The following OR6N1 variants were observed in gnomAD, a reference collection of about 807,000 sequenced individuals.
OR6N1 encodes the protein olfactory receptor family 6 subfamily N member 1, also known as olfactory receptor 6N1.
For missense variants in OR6N1, 394 were observed against 371.7 expected, an observed-to-expected ratio of 1.06 and a Z score of -0.49; for synonymous variants, 170 against 150.7, an observed-to-expected ratio of 1.13 and a Z score of -0.94.
At chr1:158,769,855 C>A (rs1360566154) in intron 1 of OR6N1, among the ~76,000 whole-genome samples, 2 of 152,084 alleles carry the variant, frequency 1.3e-5, no homozygotes, top group South Asian at 2.1e-4. Context: ...TCCAAAATTT[C>A]TTTGTCTTAG....
At chr1:158,780,470 A>G in the OR6N1 span, among the ~76,000 whole-genome samples, 1 of 152,174 alleles carries the variant, frequency 6.6e-6, no homozygotes, top group East Asian at 1.9e-4. Flanking sequence ...TACAATATAG[A>G]TGCTCCTCGA....
the OR6N1 span, among the ~76,000 whole-genome samples, chr1:158,782,938 TG>T: frequency 2.6e-5 from 4 of 152,188 alleles, no homozygotes; most frequent in Non-Finnish European, 5.9e-5. Context: ...TACAAAGTCT[TG>T]TACATAGTAA....
At chr1:158,805,102 T>TG in the OR6N1 span, among the ~76,000 whole-genome samples, 1 of 152,224 alleles carries the variant, frequency 6.6e-6, no homozygotes, top group Non-Finnish European at 1.5e-5. Flanking sequence ...CAAGGTCACA[T>TG]GCCCTTGTTT....
chr1:158,787,612 A>ATC, the OR6N1 span, among the ~76,000 whole-genome samples: 36 of 89,242 alleles, frequency 4.0e-4, no homozygotes, highest in African/African-American at 6.8e-4. Context: ...CTCTCTATCT[A>ATC]TCTCTCTATC....
chr1:158,792,392 A>T, the OR6N1 span, among the ~76,000 whole-genome samples: 5,581 of 152,230 alleles, frequency 0.037, 355 homozygotes, highest in African/African-American at 0.13. Flanking sequence ...GATCATTTAC[A>T]TTCAATGTTA....
At chr1:158,817,028 T>G in the OR6N1 span, among the ~76,000 whole-genome samples, 1 of 152,168 alleles carries the variant, frequency 6.6e-6, no homozygotes, top group Non-Finnish European at 1.5e-5. Context: ...ATTTTTATAT[T>G]CATTATGTAA....
the OR6N1 span, among the ~76,000 whole-genome samples, chr1:158,839,024 TCATA>T: frequency 2.6e-5 from 4 of 152,348 alleles, no homozygotes; most frequent in African/African-American, 9.6e-5. Flanking sequence ...AACTCATTTA[TCATA>T]TTTAAGAGTG....
chr1:158,768,664 A>G, intron 1 of OR6N1, among the ~76,000 whole-genome samples: 1 of 152,030 alleles, frequency 6.6e-6, no homozygotes, highest in East Asian at 1.9e-4. Flanking sequence ...ATCATTTAAA[A>G]CCTTTGCTGT....
At chr1:158,807,432 ACTC>A in the OR6N1 span, among the ~76,000 whole-genome samples, 2 of 152,086 alleles carry the variant, frequency 1.3e-5, no homozygotes, top group Admixed American at 1.3e-4. Context: ...ATCTGACCAT[ACTC>A]TAGCAGGTAC....
the OR6N1 span, among the ~76,000 whole-genome samples, chr1:158,790,275 T>C: frequency 4.6e-5 from 7 of 152,354 alleles, no homozygotes; most frequent in South Asian, 4.1e-4. Flanking sequence ...TACTGTGATA[T>C]ATCTAGCTTT....
At chr1:158,776,151 G>A (rs1461417102), upstream of OR6N1, 1 of 152,264 alleles carries the variant, frequency 6.6e-6, no homozygotes, top group Non-Finnish European at 1.5e-5. Context: ...TGAGAGTTAG[G>A]GAGAGTTAAG....
At chr1:158,779,314 C>A in the OR6N1 span, among the ~76,000 whole-genome samples, 1 of 123,664 alleles carries the variant, frequency 8.1e-6, no homozygotes, top group African/African-American at 3.1e-5. Flanking sequence ...TGAAGAGAAC[C>A]GCCCAATTCT....
At chr1:158,801,881 C>G in the OR6N1 span, among the ~76,000 whole-genome samples, 1 of 152,122 alleles carries the variant, frequency 6.6e-6, no homozygotes, top group East Asian at 1.9e-4. Context: ...CTGCCCATTA[C>G]CTGATGGTTT....
Position 158,765,197 on chromosome 1 carries a change from G to A in OR6N1, c.*547C>T, listed in dbSNP as rs1657214598. On this transcript the variant is annotated 3_prime_UTR_variant, in exon 2 of 2. Transcript: ENST00000641846. ...TACCATTATCAAATAATGAAATTAA[G>A]ACTCAGAGATGCTAAGTTACTTTCT... 6.6e-6 allele frequency: 1 copy of A among 152,104 alleles called. No individual in the cohort carries two copies. Among genetic ancestry groups the A allele is most frequent in the African/African-American group, 2.4e-5 (1 of 41,422 alleles). The allele number at this position is 152,104 out of a possible 1,614,324, so 9.4% of individuals were successfully genotyped here.
At chr1:158,800,804 A>C in the OR6N1 span, among the ~76,000 whole-genome samples, 707 of 152,332 alleles carry the variant, frequency 4.6e-3, 12 homozygotes, top group African/African-American at 0.016. Flanking sequence ...GGTTGTCCAG[A>C]GAGTTTTTAT....
At chr1:158,788,052 A>G in the OR6N1 span, among the ~76,000 whole-genome samples, 1 of 152,206 alleles carries the variant, frequency 6.6e-6, no homozygotes, top group Non-Finnish European at 1.5e-5. Flanking sequence ...AAAAAGTCTG[A>G]CTAGCCCACC....
the OR6N1 span, among the ~76,000 whole-genome samples, chr1:158,825,482 A>C: frequency 6.6e-6 from 1 of 152,158 alleles, no homozygotes; most frequent in Admixed American, 6.5e-5. Flanking sequence ...GACACTTTTC[A>C]GAAGAAGATA....
the OR6N1 span, among the ~76,000 whole-genome samples, chr1:158,785,614 G>A: frequency 1.3e-5 from 2 of 152,150 alleles, no homozygotes; most frequent in African/African-American, 4.8e-5. Flanking sequence ...TGAAATAAAA[G>A]TGAAGAGCCC....
At chr1:158,794,424 A>T in the OR6N1 span, among the ~76,000 whole-genome samples, 300 of 152,242 alleles carry the variant, frequency 2.0e-3, 4 homozygotes, top group Middle Eastern at 0.01. Context: ...CCCTAGGAGT[A>T]GCAATCCCTG....
Sources: gnomAD v4.1 joint callset for allele counts (sites outside exome capture counted in the v4.1 genomes callset) on GRCh38, gnomAD v4.1.1 for gene constraint, MANE v1.5 for transcripts, NCBI Gene and HGNC (gene_info 2026-07-23, HGNC 2026-07-21) for gene names.